Variants in RUNDC3B observed in about 807,000 individuals in gnomAD.
RUNDC3B encodes the protein RUN domain-containing protein 3B.
A neutral mutation model predicts 58.4 loss-of-function variants in RUNDC3B; 33 were observed. That is an observed-to-expected ratio of 0.56 (90% CI 0.43 to 0.75). The LOEUF (loss-of-function observed/expected upper bound fraction) is 0.75. Ranked by LOEUF, RUNDC3B falls within the 30% of genes least tolerant of loss-of-function variation. The pLI, the probability that RUNDC3B is intolerant of heterozygous loss-of-function variation, is 0.00. For missense variants in RUNDC3B, 501 were observed against 535.7 expected (o/e 0.94, Z 0.64); for synonymous variants, 193 against 195.2 (o/e 0.99, Z 0.10).
intron 4 of RUNDC3B, among the ~76,000 whole-genome samples, chr7:87,735,869 A>G (rs749379342): frequency 3.3e-5 from 5 of 152,126 alleles, no homozygotes; most frequent in Non-Finnish European, 7.4e-5. Flanking sequence ...CTATTCCCCT[A>G]GACTATATGC....
chr7:87,814,540 C>A (rs559613447), intron 9 of RUNDC3B, among the ~76,000 whole-genome samples: 30 of 152,194 alleles, frequency 2.0e-4, no homozygotes, highest in Admixed American at 1.7e-3. Context: ...GTTTATTCTG[C>A]CATAAAGTGC....
intron 4 of RUNDC3B, among the ~76,000 whole-genome samples, chr7:87,738,363 A>G (rs925616107): frequency 5.9e-5 from 9 of 152,018 alleles, no homozygotes; most frequent in African/African-American, 2.2e-4. Flanking sequence ...TTATTTTACT[A>G]ATTTTGTTAG....
At chr7:87,646,787 G>T (rs1823047165) in intron 1 of RUNDC3B, among the ~76,000 whole-genome samples, 1 of 152,112 alleles carries the variant, frequency 6.6e-6, no homozygotes, top group Admixed American at 6.5e-5. Context: ...ATGGACGTAG[G>T]AAATAAAAGT....
chr7:87,773,919 C>G (rs1471558523), intron 7 of RUNDC3B, among the ~76,000 whole-genome samples: 2 of 152,122 alleles, frequency 1.3e-5, no homozygotes, highest in Non-Finnish European at 2.9e-5. Flanking sequence ...CTCAAGTGAT[C>G]TGCCCAACTC....
At chr7:87,799,445 A>AC (rs1409132806) in intron 8 of RUNDC3B, among the ~76,000 whole-genome samples, 15 of 152,010 alleles carry the variant, frequency 9.9e-5, no homozygotes, top group Non-Finnish European at 1.9e-4. Flanking sequence ...AGTAATTGCT[A>AC]CCTAGGTATT....
At chr7:87,685,382 T>C (rs1434367215) in intron 2 of RUNDC3B, among the ~76,000 whole-genome samples, 2 of 152,130 alleles carry the variant, frequency 1.3e-5, no homozygotes, top group African/African-American at 4.8e-5. Context: ...TCAAACCATA[T>C]TAGGTAGCAC....
intron 1 of RUNDC3B, among the ~76,000 whole-genome samples, chr7:87,631,422 G>A (rs1288973044): frequency 5.3e-5 from 8 of 151,982 alleles, no homozygotes; most frequent in Non-Finnish European, 5.9e-5. Context: ...ACGGAGTCTC[G>A]CTCTGTCTCC....
At chr7:87,794,272 T>C (rs983524817) in intron 8 of RUNDC3B, among the ~76,000 whole-genome samples, 2 of 152,064 alleles carry the variant, frequency 1.3e-5, no homozygotes, top group African/African-American at 4.8e-5. Flanking sequence ...CCATCTCTAC[T>C]AAAAATACAA....
At chr7:87,750,474 A>C (rs1832905487) in intron 6 of RUNDC3B, among the ~76,000 whole-genome samples, 1 of 151,724 alleles carries the variant, frequency 6.6e-6, no homozygotes, top group African/African-American at 2.4e-5. Flanking sequence ...ACAATGGTTG[A>C]ACTAGTTTAC....
chr7:87,667,305 A>G (rs1012516602), intron 2 of RUNDC3B, among the ~76,000 whole-genome samples: 2 of 152,026 alleles, frequency 1.3e-5, no homozygotes, highest in Admixed American at 6.6e-5. Flanking sequence ...GTTGGTGTAT[A>G]GGAATGCTAG....
At chr7:87,678,422 T>C (rs1826590806) in intron 2 of RUNDC3B, among the ~76,000 whole-genome samples, 1 of 152,200 alleles carries the variant, frequency 6.6e-6, no homozygotes, top group Non-Finnish European at 1.5e-5. Flanking sequence ...TATTAAATAT[T>C]AGGTGTTCTA....
intron 2 of RUNDC3B, among the ~76,000 whole-genome samples, chr7:87,700,078 G>T (rs180806718): frequency 6.6e-6 from 1 of 152,132 alleles, no homozygotes; most frequent in Admixed American, 6.5e-5. Context: ...AACTAGAAGC[G>T]CAGGAAGGTT....
At chr7:87,766,562 A>G (rs894660871) in intron 6 of RUNDC3B, among the ~76,000 whole-genome samples, 3 of 152,046 alleles carry the variant, frequency 2.0e-5, no homozygotes, top group Non-Finnish European at 4.4e-5. Flanking sequence ...GAAGGCTGAA[A>G]AAAGACCCCC....
chr7:87,753,748 C>G (rs1461940628), intron 6 of RUNDC3B, among the ~76,000 whole-genome samples: 1 of 152,132 alleles, frequency 6.6e-6, no homozygotes, highest in Non-Finnish European at 1.5e-5. Flanking sequence ...TCAGCAAATT[C>G]TTTGTCAACT....
chr7:87,738,556 T>A (rs1201295498), intron 4 of RUNDC3B, among the ~76,000 whole-genome samples: 1 of 152,040 alleles, frequency 6.6e-6, no homozygotes, highest in Non-Finnish European at 1.5e-5. Flanking sequence ...TCATTTAATA[T>A]TCCTTATGAA....
chr7:87,799,588 C>T (rs538934947), intron 8 of RUNDC3B, among the ~76,000 whole-genome samples: 2 of 152,200 alleles, frequency 1.3e-5, no homozygotes, highest in East Asian at 1.9e-4. Flanking sequence ...TACTGGAGTA[C>T]ATCTTAAGAA....
At chr7:87,823,147 G>A (rs898099517) in intron 10 of RUNDC3B, among the ~76,000 whole-genome samples, 3 of 152,004 alleles carry the variant, frequency 2.0e-5, no homozygotes, top group African/African-American at 7.2e-5. Flanking sequence ...TAAAGGTAAA[G>A]GGATCAGGCC....
intron 7 of RUNDC3B, among the ~76,000 whole-genome samples, chr7:87,771,146 A>G (rs1834255965): frequency 6.6e-6 from 1 of 152,154 alleles, no homozygotes; most frequent in Non-Finnish European, 1.5e-5. Flanking sequence ...GGCAAAGTGG[A>G]GTATATAACA....
chr7:87,645,734 T>C (rs1346509436), intron 1 of RUNDC3B, among the ~76,000 whole-genome samples: 2 of 152,206 alleles, frequency 1.3e-5, no homozygotes, highest in Non-Finnish European at 2.9e-5. Flanking sequence ...TAGCACATCT[T>C]AGTTACTGTG....
Sources: gnomAD v4.1 joint callset for allele counts (sites outside exome capture counted in the v4.1 genomes callset) on GRCh38, gnomAD v4.1.1 for gene constraint, MANE v1.5 for transcripts, NCBI Gene and HGNC (gene_info 2026-07-23, HGNC 2026-07-21) for gene names.